The following GRID1 variants were observed in gnomAD, a reference collection of about 807,000 sequenced individuals.
GRID1 encodes glutamate ionotropic receptor delta type subunit 1, also known as glutamate receptor ionotropic, delta-1.
A neutral mutation model predicts 98.0 loss-of-function variants in GRID1; 28 were observed. The observed-to-expected ratio is 0.29, with a 90% CI of 0.21 to 0.39. The LOEUF (loss-of-function observed/expected upper bound fraction) is 0.39. Among genes scored for constraint, GRID1 ranks in the 10% least tolerant of loss-of-function variants. The probability of loss-of-function intolerance (pLI) is 1.00; values close to 1 mark genes in which losing one functional copy is unlikely to be tolerated. For missense variants in GRID1, 1,111 were observed against 1,340.5 expected (o/e 0.83, Z 2.67); for synonymous variants, 553 against 538.5 (o/e 1.03, Z -0.37).
At chr10:86,132,690 G>A (rs1589382511) in intron 4 of GRID1, among the ~76,000 whole-genome samples, 3 of 152,336 alleles carry the variant, frequency 2.0e-5, no homozygotes, top group African/African-American at 7.2e-5. Flanking sequence ...ACAGAACGTT[G>A]AGATTGCTAA....
chr10:86,365,406 T>G lies in GRID1; in HGVS notation c.79+908A>C, dbSNP rs1402379143. ...CCCAACTCGGCCCAACTTCCCGAGATTCCTCCCGTGTTGCTCCCAACTCCC... is the reference window on the plus strand; with the variant it reads ...CCCAACTCGGCCCAACTTCCCGAGAGTCCTCCCGTGTTGCTCCCAACTCCC... On this transcript the variant is annotated intron_variant, in intron 1 of 15. Transcript: ENST00000327946. The surrounding 1 kb of genome is among the most constrained non-coding windows in gnomAD (Gnocchi z 4.8). 2.0e-5 allele frequency among the ~76,000 whole-genome samples: 3 copies of G among 147,738 alleles called. No individual in the cohort carries two copies. The highest frequency in any genetic ancestry group is 3.0e-5 in the Non-Finnish European group (2 of 67,116).
rs760260669 is a variant in GRID1, at chr10:85,727,864, G to A, written c.1524C>T (p.Leu508=). 4 of 1,612,598 alleles carry A rather than the reference G, an allele frequency of 2.5e-6. No individual in the cohort carries two copies. The highest frequency in any genetic ancestry group is 1.3e-5 in the African/African-American group (1 of 74,958). ...NTSWNGMIGE[L]ISKRADLAIS... ...TGCTATGGGGACCTACCTTGCTGAT[G>A]AGCTCCCCGATCATCCCGTTCCAGG... Residue 508 remains leucine (L), a synonymous_variant, in exon 10 of 16, where the codon CTC becomes CTT. Coordinates refer to ENST00000327946, the MANE Select transcript of GRID1 (RefSeq NM_017551.3).
At chr10:85,796,825 C>T (rs1842529900) in intron 8 of GRID1, among the ~76,000 whole-genome samples, 1 of 151,962 alleles carries the variant, frequency 6.6e-6, no homozygotes, top group Non-Finnish European at 1.5e-5. Context: ...AGTAAAAGAA[C>T]ATTAAATCTG....
chr10:85,831,558 T>C lies in GRID1; in HGVS notation c.1233+22938A>G, dbSNP rs113768434. On this transcript the variant is annotated intron_variant, in intron 8 of 15. Coordinates refer to ENST00000327946, the MANE Select transcript of GRID1 (RefSeq NM_017551.3). ...CATGAAATATTTACCTCTATGGTGG[T>C]CATATAGTAAGCCAAGATAATATTT... Among the ~76,000 whole-genome samples the C allele has an allele frequency of 8.7e-3, 1,320 of 152,224 alleles. 12 individuals carry two copies. Among genetic ancestry groups the C allele is most frequent in the African/African-American group, 0.03 (1,243 of 41,548 alleles).
intron 5 of GRID1, among the ~76,000 whole-genome samples, chr10:85,905,805 C>T (rs957671541): frequency 4.0e-5 from 6 of 151,882 alleles, no homozygotes; most frequent in African/African-American, 9.7e-5. Context: ...ATAAAAAATT[C>T]GCAATTCACC....
At chr10:86,304,800 C>G (rs1156735951) in intron 2 of GRID1, among the ~76,000 whole-genome samples, 3 of 152,228 alleles carry the variant, frequency 2.0e-5, no homozygotes, top group African/African-American at 7.2e-5. Context: ...AGAACTCAGG[C>G]TGGCAAACTT....
chr10:86,361,629 C>T (rs1481265713), intron 2 of GRID1, among the ~76,000 whole-genome samples: 10 of 152,160 alleles, frequency 6.6e-5, no homozygotes, highest in Admixed American at 2.6e-4. Context: ...TGCTTTGGGG[C>T]GCTTACAGGT....
chr10:85,653,883 C>A (rs1564690108), intron 12 of GRID1, among the ~76,000 whole-genome samples: 3 of 152,048 alleles, frequency 2.0e-5, no homozygotes, highest in African/African-American at 7.2e-5. Flanking sequence ...GACTTCTCAG[C>A]CTCCAGAACT....
At chr10:85,748,678 T>C (rs142262651) in intron 8 of GRID1, among the ~76,000 whole-genome samples, 17 of 152,220 alleles carry the variant, frequency 1.1e-4, no homozygotes, top group African/African-American at 4.1e-4. Context: ...ATTTCAATCT[T>C]CATCAATGCT....
intron 8 of GRID1, among the ~76,000 whole-genome samples, chr10:85,821,116 T>C (rs1259131514): frequency 6.6e-6 from 1 of 151,966 alleles, no homozygotes; most frequent in Admixed American, 6.5e-5. Context: ...ACATTAACAG[T>C]GTAGATTAGT....
At chr10:85,652,965 A>G (rs1234792418) in intron 12 of GRID1, among the ~76,000 whole-genome samples, 1 of 152,230 alleles carries the variant, frequency 6.6e-6, no homozygotes, top group African/African-American at 2.4e-5. Flanking sequence ...AAAGAAACAA[A>G]CATCAATGAC....
At chr10:85,762,338 T>C (rs1012409524) in intron 8 of GRID1, among the ~76,000 whole-genome samples, 3 of 152,262 alleles carry the variant, frequency 2.0e-5, no homozygotes, top group African/African-American at 7.2e-5. Flanking sequence ...TTTCTGGATC[T>C]AAATGAGATT....
At chr10:86,048,080 A>G (rs1843450476) in intron 4 of GRID1, among the ~76,000 whole-genome samples, 1 of 152,164 alleles carries the variant, frequency 6.6e-6, no homozygotes, top group African/African-American at 2.4e-5. Context: ...ACAAATGAAC[A>G]TGTGTTCATT....
chr10:86,234,900 G>A lies in GRID1; in HGVS notation c.236-28252C>T, dbSNP rs73349961. 7.4e-3 allele frequency among the ~76,000 whole-genome samples: 1,127 copies of A among 152,240 alleles called. 15 individuals are homozygous for A. Among genetic ancestry groups the A allele is most frequent in the African/African-American group, 0.026 (1,089 of 41,530 alleles). ...ATGGGGAAAATCACTACCTGCAGGCGCACTGATGGTGGAACCACCAGCCAA... is the reference window on the plus strand; with the variant it reads ...ATGGGGAAAATCACTACCTGCAGGCACACTGATGGTGGAACCACCAGCCAA... On this transcript the variant is annotated intron_variant, in intron 2 of 15. Coordinates refer to ENST00000327946, the MANE Select transcript of GRID1 (RefSeq NM_017551.3).
chr10:85,896,913 C>T (rs897564305), intron 5 of GRID1, among the ~76,000 whole-genome samples: 1 of 152,060 alleles, frequency 6.6e-6, no homozygotes, highest in Non-Finnish European at 1.5e-5. Flanking sequence ...AGCTAAGTTT[C>T]CAACAAAGGA....
rs552158427 is a variant in GRID1 at position 86,001,608 on chromosome 10, G to GGCAT, written c.727-85373_727-85370dup. Among the ~76,000 whole-genome samples the GGCAT allele has an allele frequency of 1.8e-4, 27 of 152,264 alleles. No individual in the cohort carries two copies. In the South Asian group the frequency reaches 2.7e-3, roughly 15 times the overall value. On this transcript the variant is annotated intron_variant, in intron 4 of 15. Transcript: ENST00000327946. ...AAGGAATTTGGCCTTGCAGAGAAAG[G>GGCAT]GCATCTGTTACAAATGCAGATTCAG...
At chr10:86,094,009 G>A (rs1452302635) in intron 4 of GRID1, among the ~76,000 whole-genome samples, 1 of 152,154 alleles carries the variant, frequency 6.6e-6, no homozygotes, top group African/African-American at 2.4e-5. Context: ...GATCAAGTGG[G>A]TTTCATAAAT....
intron 12 of GRID1, among the ~76,000 whole-genome samples, chr10:85,656,799 C>T (rs1840900435): frequency 6.6e-6 from 1 of 152,184 alleles, no homozygotes; most frequent in Non-Finnish European, 1.5e-5. Context: ...TGCATCTTAT[C>T]TGGACATTGA....
intron 2 of GRID1, among the ~76,000 whole-genome samples, chr10:86,323,542 C>A (rs948864577): frequency 6.6e-6 from 1 of 152,210 alleles, no homozygotes; most frequent in Non-Finnish European, 1.5e-5. Context: ...AAATTCACCA[C>A]CACAAACCCT....
Sources: allele counts gnomAD v4.1 joint callset (sites outside exome capture counted in the v4.1 genomes callset), GRCh38; gene constraint gnomAD v4.1.1; non-coding constraint Gnocchi (gnomAD v3.1); transcripts MANE v1.5; gene names NCBI Gene and HGNC (gene_info 2026-07-23, HGNC 2026-07-21).